The following MYRIP variants were observed in gnomAD, a reference collection of about 807,000 sequenced individuals.
The protein encoded by MYRIP is rab effector MyRIP.
MYRIP carries 49 observed loss-of-function variants against 98.0 expected under a neutral mutation model. That is an observed-to-expected ratio of 0.50 (90% CI 0.40 to 0.63). MYRIP has a LOEUF of 0.63. Ranked by LOEUF, MYRIP falls within the 30% of genes least tolerant of loss-of-function variation. The pLI, the probability that MYRIP is intolerant of heterozygous loss-of-function variation, is 0.00. For missense variants in MYRIP, 1,004 were observed against 1,058.2 expected (o/e 0.95, Z 0.71); for synonymous variants, 404 against 409.5 (o/e 0.99, Z 0.16).
chr3:39,969,942 C>T (rs1247222749), intron 2 of MYRIP, among the ~76,000 whole-genome samples: 1 of 152,102 alleles, frequency 6.6e-6, no homozygotes, highest in Non-Finnish European at 1.5e-5. Flanking sequence ...GAGAATCTAT[C>T]AGGTCCCAGG....
At chr3:39,924,391 G>A (rs1391039935) in intron 2 of MYRIP, among the ~76,000 whole-genome samples, 1 of 152,002 alleles carries the variant, frequency 6.6e-6, no homozygotes, top group Non-Finnish European at 1.5e-5. Context: ...TCAGAGAGGG[G>A]CATTGCATAA....
intron 1 of MYRIP, among the ~76,000 whole-genome samples, chr3:39,812,516 T>C (rs892589387): frequency 1.3e-5 from 2 of 152,218 alleles, no homozygotes; most frequent in South Asian, 4.1e-4. Flanking sequence ...CATTGGTCAA[T>C]GGCGGCTGGT....
intron 8 of MYRIP, among the ~76,000 whole-genome samples, chr3:40,178,913 C>T (rs1385637012): frequency 6.6e-6 from 1 of 152,072 alleles, no homozygotes; most frequent in Non-Finnish European, 1.5e-5. Flanking sequence ...CCATGGACTC[C>T]CCCTGCAGCC....
chr3:40,016,640 C>A (rs1225431435), intron 2 of MYRIP, among the ~76,000 whole-genome samples: 1 of 152,158 alleles, frequency 6.6e-6, no homozygotes, highest in East Asian at 1.9e-4. Flanking sequence ...TCACTGCTCC[C>A]CACCTGAGGG....
intron 1 of MYRIP, among the ~76,000 whole-genome samples, chr3:39,859,284 G>A (rs1348766882): frequency 1.3e-5 from 2 of 152,020 alleles, no homozygotes; most frequent in East Asian, 1.9e-4. Context: ...CTAGAAGAAC[G>A]AGTAAATTCT....
chr3:39,898,299 C>G (rs920227245), intron 1 of MYRIP, among the ~76,000 whole-genome samples: 8 of 151,966 alleles, frequency 5.3e-5, no homozygotes, highest in Non-Finnish European at 1.2e-4. Flanking sequence ...GTTGGAATTC[C>G]TGTTGTGATT....
intron 2 of MYRIP, among the ~76,000 whole-genome samples, chr3:40,024,456 A>G (rs1947076499): frequency 6.6e-6 from 1 of 151,948 alleles, no homozygotes; most frequent in Non-Finnish European, 1.5e-5. Flanking sequence ...GCAGAGAGAG[A>G]TGGGACAGTC....
intron 2 of MYRIP, among the ~76,000 whole-genome samples, chr3:39,933,758 G>A (rs1330410860): frequency 1.3e-5 from 2 of 152,118 alleles, no homozygotes; most frequent in South Asian, 2.1e-4. Context: ...TTTTGAGAAC[G>A]ACTGTGTACC....
At chr3:40,091,624 T>G (rs1338171278) in intron 3 of MYRIP, among the ~76,000 whole-genome samples, 2 of 152,242 alleles carry the variant, frequency 1.3e-5, no homozygotes, top group Non-Finnish European at 2.9e-5. Flanking sequence ...AGACACTTGC[T>G]GAGTATATTC....
At chr3:40,070,271 G>T (rs1051934668) in intron 3 of MYRIP, among the ~76,000 whole-genome samples, 32 of 152,272 alleles carry the variant, frequency 2.1e-4, no homozygotes, top group African/African-American at 7.0e-4. Flanking sequence ...ACATTAATGT[G>T]GGGGACTGTA....
intron 9 of MYRIP, among the ~76,000 whole-genome samples, chr3:40,185,940 G>A (rs1274480337): frequency 6.6e-6 from 1 of 152,190 alleles, no homozygotes; most frequent in Non-Finnish European, 1.5e-5. Flanking sequence ...TGCCCAGGAT[G>A]AGACGCAAAG....
chr3:40,258,153 C>T lies in MYRIP; in HGVS notation c.2567C>T (p.Ala856Val). 3.7e-6 allele frequency: 6 copies of T among 1,613,882 alleles called. No homozygotes were observed. Among genetic ancestry groups the T allele is most frequent in the Non-Finnish European group, 4.2e-6 (5 of 1,179,734 alleles). The change falls in exon 17 of 17, where the codon GCT becomes GTT. Residue 856 changes from alanine to valine, a missense_variant. Around this residue, in one of 3 missense-constraint regions of MYRIP, gnomAD observed 108 missense variants for 111.1 expected, o/e 0.97. Coordinates refer to ENST00000302541, the MANE Select transcript of MYRIP (RefSeq NM_015460.4). Reference sequence around the variant, plus strand: ...CCTCAGGAGCCTGCTCTGGAGTCAGCTGTGATGTACTGACACCATGGAATT... The same window carrying T: ...CCTCAGGAGCCTGCTCTGGAGTCAGTTGTGATGTACTGACACCATGGAATT... ...KDLMEPALES[A>V]VMY is the part of the protein sequence containing the mutation.
chr3:40,164,385 G>A (rs190901391), intron 5 of MYRIP, among the ~76,000 whole-genome samples: 3 of 152,144 alleles, frequency 2.0e-5, no homozygotes, highest in Non-Finnish European at 1.5e-5. Context: ...TACAGGGTAG[G>A]CCAGCAGGTT....
chr3:40,190,504 A>G (rs1199234934), intron 10 of MYRIP, 41 bp downstream of exon 10: 3 of 1,538,570 alleles, frequency 1.9e-6, no homozygotes, highest in African/African-American at 2.8e-5. Flanking sequence ...CACACTCTTT[A>G]GGTAGGATGT....
chr3:40,190,492 C>A (rs1485544528), intron 10 of MYRIP, 29 bp downstream of exon 10: 1 of 1,550,868 alleles, frequency 6.4e-7, no homozygotes, highest in East Asian at 2.3e-5. Context: ...TGCAAATGCA[C>A]ACACACTCTT....
intron 2 of MYRIP, among the ~76,000 whole-genome samples, chr3:39,945,714 G>A (rs1181202168): frequency 6.6e-6 from 1 of 151,878 alleles, no homozygotes; most frequent in African/African-American, 2.4e-5. Flanking sequence ...GCAGGTTAAA[G>A]GAAAATGACA....
chr3:40,065,019 A>G (rs1948097027), intron 3 of MYRIP, among the ~76,000 whole-genome samples: 1 of 152,166 alleles, frequency 6.6e-6, no homozygotes, highest in Non-Finnish European at 1.5e-5. Flanking sequence ...ATAATAAAGT[A>G]CCACAAACTG....
At chr3:39,966,219 A>G (rs1228960247) in intron 2 of MYRIP, among the ~76,000 whole-genome samples, 1 of 152,148 alleles carries the variant, frequency 6.6e-6, no homozygotes, top group Admixed American at 6.6e-5. Context: ...TCTATTGCCA[A>G]ATCATTATCA....
chr3:39,835,353 TG>T (rs1316274898), intron 1 of MYRIP, among the ~76,000 whole-genome samples: 1 of 137,308 alleles, frequency 7.3e-6, no homozygotes, highest in Non-Finnish European at 1.6e-5. Context: ...TGAGAATTGC[TG>T]GGGGCGGGGG....
Sources: gnomAD v4.1 joint callset for allele counts (sites outside exome capture counted in the v4.1 genomes callset) on GRCh38, gnomAD v4.1.1 for gene constraint, gnomAD v4.1.1 regional missense constraint, MANE v1.5 for transcripts, NCBI Gene and HGNC (gene_info 2026-07-23, HGNC 2026-07-21) for gene names.